The following SLAMF9 variants were observed in gnomAD, a reference collection of about 807,000 sequenced individuals.
SLAMF9 encodes the protein CD2 family member 10.
SLAMF9 carries 25 observed loss-of-function variants against 30.4 expected under a neutral mutation model. The observed-to-expected ratio is 0.82, with a 90% confidence interval of 0.60 to 1.15. The LOEUF (loss-of-function observed/expected upper bound fraction) is 1.15, where lower values mean the gene tolerates loss of function less well. Among genes scored for constraint, SLAMF9 ranks in the 50% most tolerant of loss-of-function variants. The pLI is 0.00. For missense variants in SLAMF9, 344 were observed against 346.1 expected (o/e 0.99, Z 0.05); for synonymous variants, 129 against 127.2 (o/e 1.01, Z -0.09).
At chr1:159,977,208 TA>T in the SLAMF9 span, 8 of 152,192 alleles carry the variant, frequency 5.3e-5, no homozygotes, top group African/African-American at 1.9e-4. Context: ...TGAGGAAGGA[TA>T]AACCCTATCT....
the SLAMF9 span, chr1:159,980,618 C>G: frequency 9.2e-5 from 14 of 152,336 alleles, no homozygotes; most frequent in African/African-American, 2.9e-4. Flanking sequence ...CTCAGTTCAC[C>G]GCAACCTCCG....
chr1:159,977,632 C>T, the SLAMF9 span, among the ~76,000 whole-genome samples: 5 of 152,156 alleles, frequency 3.3e-5, no homozygotes, highest in Non-Finnish European at 5.9e-5. Flanking sequence ...AAAAGCGGAA[C>T]GTGACCAGGC....
rs1651804620 is a variant in SLAMF9 at position 159,952,769 on chromosome 1, TTC to T, written c.392-237_392-236del. On this transcript the variant is annotated intron_variant, in intron 2 of 3. Transcript: ENST00000368093. ...GCATCTTCCACCTCCCCTTTACGTA[TTC>T]TCTCTCTTACTTTTGTACTCTACCT... is the stretch of plus-strand genomic sequence containing the variant. 5.3e-5 allele frequency among the ~76,000 whole-genome samples: 8 copies of T among 152,288 alleles called. No homozygotes were observed. The South Asian group carries it at 1.7e-3, about 32-fold the overall frequency.
chr1:159,952,298 T>A lies in SLAMF9; in HGVS notation c.628A>T (p.Ser210Cys). ...CRANNPISNVSSCPIPDGPFY... is the reference protein window; with the variant it reads ...CRANNPISNVCSCPIPDGPFY... The stretch of plus-strand genomic sequence containing the variant: ...GGCCCATCAGGGATGGGGCAAGAAC[T>A]GACGTTGCTGATGGGGTTGTTGGCT... The change falls in exon 3 of 4, where the codon AGT becomes TGT. Residue 210 changes from serine (S) to cysteine (C), a missense_variant. Transcript: ENST00000368093. 2 of 1,614,068 alleles carry A rather than the reference T, an allele frequency of 1.2e-6. No homozygotes were observed. Among genetic ancestry groups the A allele is most frequent in the Non-Finnish European group, 1.7e-6 (2 of 1,179,994 alleles).
At chr1:159,952,563 C>G (rs1651797141) in intron 2 of SLAMF9, 29 bp from the exon 3 acceptor site, 10 of 1,607,648 alleles carry the variant, frequency 6.2e-6, no homozygotes, top group Non-Finnish European at 8.5e-6. Flanking sequence ...CAAAGACCCT[C>G]TAAACAATCA....
At chr1:159,957,966 A>G (rs1014580130), upstream of SLAMF9, among the ~76,000 whole-genome samples, 6 of 152,328 alleles carry the variant, frequency 3.9e-5, no homozygotes, top group East Asian at 1.2e-3. Context: ...TGGAGAAGGA[A>G]GCAGGTGGAG....
In SLAMF9 at chr1:159,951,595, G is replaced by T; in HGVS notation, c.*66C>A. ...ACCTCCTTCCCCTGGAAAGAAGAGA[G>T]CTGAGGAAGGATTCTCTGGGTGCTG... On this transcript the variant is annotated 3_prime_UTR_variant, in exon 4 of 4. Coordinates refer to ENST00000368093, the MANE Select transcript of SLAMF9 (RefSeq NM_033438.4). 1 of 1,487,148 alleles carries T rather than the reference G, an allele frequency of 6.7e-7. No homozygotes were observed. The allele number at this position is 1,487,148 out of a possible 1,614,324, so 92.1% of individuals were successfully genotyped here.
the SLAMF9 span, among the ~76,000 whole-genome samples, chr1:159,963,666 T>C: frequency 6.6e-6 from 1 of 152,184 alleles, no homozygotes; most frequent in Non-Finnish European, 1.5e-5. Flanking sequence ...ACTCGGCTCA[T>C]GTTCTTCTTG....
the SLAMF9 span, among the ~76,000 whole-genome samples, chr1:159,960,818 T>TG: frequency 8.6e-5 from 13 of 152,030 alleles, no homozygotes; most frequent in South Asian, 2.1e-4. Flanking sequence ...GTATGCAGGT[T>TG]GGGGGGGTGC....
the SLAMF9 span, among the ~76,000 whole-genome samples, chr1:159,982,225 G>A: frequency 6.6e-6 from 1 of 152,142 alleles, no homozygotes; most frequent in Non-Finnish European, 1.5e-5. Context: ...AGAAGCTTAT[G>A]TCTCTTGAGA....
the SLAMF9 span, among the ~76,000 whole-genome samples, chr1:159,978,109 C>T: frequency 1.3e-5 from 2 of 152,136 alleles, no homozygotes; most frequent in South Asian, 2.1e-4. Flanking sequence ...TCCATAGGAA[C>T]ATTTCTGCAC....
chr1:159,962,737 A>G, the SLAMF9 span, among the ~76,000 whole-genome samples: 3 of 152,202 alleles, frequency 2.0e-5, no homozygotes, highest in Non-Finnish European at 4.4e-5. Flanking sequence ...TATCTGCTAA[A>G]ACTGAAGGTT....
the SLAMF9 span, among the ~76,000 whole-genome samples, chr1:159,977,306 T>G: frequency 6.6e-6 from 1 of 152,180 alleles, no homozygotes; most frequent in African/African-American, 2.4e-5. Flanking sequence ...GGCAGAAGAT[T>G]AGAGAGAGAC....
chr1:159,966,921 T>A, the SLAMF9 span, among the ~76,000 whole-genome samples: 1 of 152,146 alleles, frequency 6.6e-6, no homozygotes, highest in Non-Finnish European at 1.5e-5. Flanking sequence ...GTCTGTTCAC[T>A]TTGTTGTTTT....
In SLAMF9 at chr1:159,954,113, G is replaced by A; in HGVS notation, c.25C>T (p.Leu9Phe). The change falls in exon 1 of 4, where the codon CTT (leucine) becomes TTT (phenylalanine). Residue 9 changes from leucine (L) to phenylalanine (F), a missense_variant. Physicochemically the swap from Leu to Phe is conservative, Grantham distance 22 (BLOSUM62 0). Coordinates refer to ENST00000368093, the MANE Select transcript of SLAMF9 (RefSeq NM_033438.4). MCAFPWLL[L>F]LLLLQEGSQR... is the part of the protein sequence containing the mutation. Reference sequence around the variant, plus strand: ...TCACCCTCCTGGAGCAGCAGGAGAAGAAGCAGCCAAGGAAAGGCACACATG... The same window carrying A: ...TCACCCTCCTGGAGCAGCAGGAGAAAAAGCAGCCAAGGAAAGGCACACATG... 6.2e-7 allele frequency: 1 copy of A among 1,614,106 alleles called. No homozygotes were observed. The highest frequency in any genetic ancestry group is 8.5e-7 in the Non-Finnish European group (1 of 1,180,014).
the SLAMF9 span, among the ~76,000 whole-genome samples, chr1:159,966,623 CAT>C: frequency 1.2e-3 from 178 of 152,270 alleles, 1 homozygote; most frequent in South Asian, 9.5e-3. Flanking sequence ...TTCATCAACA[CAT>C]GTTATCTTTT....
At chr1:159,970,456 C>A in the SLAMF9 span, among the ~76,000 whole-genome samples, 6 of 152,186 alleles carry the variant, frequency 3.9e-5, no homozygotes, top group Non-Finnish European at 5.9e-5. Context: ...GTAGGAACAG[C>A]AGGGCCATTT....
the SLAMF9 span, among the ~76,000 whole-genome samples, chr1:159,981,138 T>A: frequency 1.3e-5 from 2 of 151,924 alleles, no homozygotes. Context: ...TTTTAAAGAG[T>A]AATCAATTTA....
the SLAMF9 span, among the ~76,000 whole-genome samples, chr1:159,974,258 C>T: frequency 1.3e-5 from 2 of 152,130 alleles, no homozygotes; most frequent in Non-Finnish European, 1.5e-5. Flanking sequence ...CCCTCTCCTC[C>T]CTTTCCTTCT....
Sources: gnomAD v4.1 joint callset for allele counts (sites outside exome capture counted in the v4.1 genomes callset) on GRCh38, gnomAD v4.1.1 for gene constraint, MANE v1.5 for transcripts, NCBI Gene and HGNC (gene_info 2026-07-23, HGNC 2026-07-21) for gene names.